CENPW: variants seen among roughly 807,000 people sequenced by gnomAD.
CENPW encodes cancer-up-regulated gene 2 protein.
A neutral mutation model predicts 11.1 loss-of-function variants in CENPW; 3 were observed. That is an observed-to-expected ratio of 0.27 (90% confidence interval 0.12 to 0.70). The LOEUF (loss-of-function observed/expected upper bound fraction) is 0.70, where lower values mean the gene tolerates loss of function less well. CENPW is among the 30% of genes least tolerant of loss of function. The pLI is 0.77. For missense variants in CENPW, 100 were observed against 105.6 expected, an observed-to-expected ratio of 0.95 and a Z score of 0.23; for synonymous variants, 38 against 42.0, an observed-to-expected ratio of 0.91 and a Z score of 0.37.
At chr6:126,407,111 G>A in the CENPW span, among the ~76,000 whole-genome samples, 3 of 152,056 alleles carry the variant, frequency 2.0e-5, no homozygotes, top group African/African-American at 7.2e-5. Flanking sequence ...AGTCCCCATT[G>A]TGTCTTGTTC....
At chr6:126,395,788 T>C in the CENPW span, among the ~76,000 whole-genome samples, 2 of 152,206 alleles carry the variant, frequency 1.3e-5, no homozygotes, top group South Asian at 4.1e-4. Flanking sequence ...TGCAGACTCA[T>C]AGAGGTATCA....
the CENPW span, among the ~76,000 whole-genome samples, chr6:126,355,646 T>G: frequency 6.6e-6 from 1 of 152,180 alleles, no homozygotes; most frequent in Non-Finnish European, 1.5e-5. Context: ...TTTAAAATAT[T>G]AAGTTATAAT....
chr6:126,480,076 C>G, the CENPW span, among the ~76,000 whole-genome samples: 1 of 151,902 alleles, frequency 6.6e-6, no homozygotes, highest in Admixed American at 6.6e-5. Flanking sequence ...ATGTTATAGT[C>G]CTTTTCCCAT....
chr6:126,422,372 A>C, the CENPW span, among the ~76,000 whole-genome samples: 1 of 152,044 alleles, frequency 6.6e-6, no homozygotes, highest in East Asian at 1.9e-4. Flanking sequence ...AGTTCTGGAG[A>C]CCGGAAATCT....
At chr6:126,463,983 A>G in the CENPW span, among the ~76,000 whole-genome samples, 1 of 152,064 alleles carries the variant, frequency 6.6e-6, no homozygotes. Context: ...AAAACCAGAC[A>G]GAGACATAAT....
At chr6:126,427,243 G>T in the CENPW span, among the ~76,000 whole-genome samples, 1 of 152,070 alleles carries the variant, frequency 6.6e-6, no homozygotes, top group East Asian at 1.9e-4. Flanking sequence ...TGCTTTGAGT[G>T]TATTTTATTT....
the CENPW span, among the ~76,000 whole-genome samples, chr6:126,441,194 G>A: frequency 6.6e-6 from 1 of 151,458 alleles, no homozygotes; most frequent in Non-Finnish European, 1.5e-5. Flanking sequence ...TTCTGTTATG[G>A]CTAGCAACGA....
chr6:126,476,465 GAAGAT>G, the CENPW span, among the ~76,000 whole-genome samples: 1 of 151,890 alleles, frequency 6.6e-6, no homozygotes, highest in Non-Finnish European at 1.5e-5. Flanking sequence ...TGGCTCATCT[GAAGAT>G]AATACTTTAT....
At chr6:126,429,247 T>C in the CENPW span, among the ~76,000 whole-genome samples, 1 of 152,240 alleles carries the variant, frequency 6.6e-6, no homozygotes, top group Non-Finnish European at 1.5e-5. Flanking sequence ...CAGAGTATTA[T>C]TGTTCTATTT....
At chr6:126,362,927 G>A in the CENPW span, among the ~76,000 whole-genome samples, 1 of 152,108 alleles carries the variant, frequency 6.6e-6, no homozygotes, top group African/African-American at 2.4e-5. Flanking sequence ...TATATCTTTT[G>A]TATGGAGCTG....
chr6:126,391,435 A>G, the CENPW span, among the ~76,000 whole-genome samples: 1 of 151,576 alleles, frequency 6.6e-6, no homozygotes, highest in Admixed American at 6.6e-5. Context: ...TTTTGACTTC[A>G]CTGATTGTTT....
chr6:126,360,296 C>G, the CENPW span, among the ~76,000 whole-genome samples: 1 of 151,926 alleles, frequency 6.6e-6, no homozygotes, highest in Non-Finnish European at 1.5e-5. Flanking sequence ...AGTTCCACTG[C>G]TAGCTTGATG....
chr6:126,424,140 C>T, the CENPW span, among the ~76,000 whole-genome samples: 1 of 152,052 alleles, frequency 6.6e-6, no homozygotes, highest in Non-Finnish European at 1.5e-5. Context: ...CATCTATTGT[C>T]TCAAAAACAC....
the CENPW span, among the ~76,000 whole-genome samples, chr6:126,465,474 A>G: frequency 2.2e-4 from 33 of 152,218 alleles, no homozygotes; most frequent in African/African-American, 7.9e-4. Context: ...ATTTAGCATA[A>G]TCCCAATCAA....
At chr6:126,469,117 A>G in the CENPW span, among the ~76,000 whole-genome samples, 1 of 152,080 alleles carries the variant, frequency 6.6e-6, no homozygotes, top group Non-Finnish European at 1.5e-5. Flanking sequence ...CTATGTATCT[A>G]TGTTATATGG....
chr6:126,389,172 A>AC, the CENPW span, among the ~76,000 whole-genome samples: 1 of 151,938 alleles, frequency 6.6e-6, no homozygotes, highest in Non-Finnish European at 1.5e-5. Context: ...ACTGATGGAC[A>AC]CCAAGAATGC....
chr6:126,432,561 G>A, the CENPW span, among the ~76,000 whole-genome samples: 1 of 152,048 alleles, frequency 6.6e-6, no homozygotes, highest in African/African-American at 2.4e-5. Context: ...TGAGTCAGGA[G>A]ACTAATCTGA....
intron 1 of CENPW, among the ~76,000 whole-genome samples, chr6:126,344,988 T>C (rs1189817378): frequency 6.6e-6 from 1 of 152,110 alleles, no homozygotes; most frequent in East Asian, 1.9e-4. Flanking sequence ...TGGATCTAAG[T>C]TGGTAGTGCC....
chr6:126,405,562 A>G, the CENPW span, among the ~76,000 whole-genome samples: 1 of 151,998 alleles, frequency 6.6e-6, no homozygotes, highest in Non-Finnish European at 1.5e-5. Context: ...ATTTTGATAG[A>G]GATTGCATTA....
Sources: gnomAD v4.1 joint callset for allele counts (sites outside exome capture counted in the v4.1 genomes callset) on GRCh38, gnomAD v4.1.1 for gene constraint, MANE v1.5 for transcripts, NCBI Gene and HGNC (gene_info 2026-07-23, HGNC 2026-07-21) for gene names.